PTCD2: variants seen among roughly 807,000 people sequenced by gnomAD.
The protein encoded by PTCD2 is pentatricopeptide repeat-containing protein 2, mitochondrial.
In PTCD2, 31 loss-of-function variants were observed where a neutral mutation model predicts 42.6. The observed-to-expected ratio is 0.73, with a 90% CI of 0.55 to 0.98. The LOEUF is 0.98. PTCD2 is among the 50% of genes least tolerant of loss of function. PTCD2 has a pLI of 0.00. For missense variants in PTCD2, 476 were observed against 454.8 expected (o/e 1.05, Z -0.42); for synonymous variants, 183 against 170.9 (o/e 1.07, Z -0.55).
At position 72,327,419 on chromosome 5, in the gene PTCD2, A is replaced by G. The variant is rs184202830; in HGVS notation, c.350+678A>G. 3.7e-3 allele frequency among the ~76,000 whole-genome samples: 556 copies of G among 152,214 alleles called. 6 individuals are homozygous for G. The highest frequency in any genetic ancestry group is 4.8e-3 in the Non-Finnish European group (325 of 68,016). On this transcript the variant is annotated intron_variant, in intron 3 of 9. Coordinates refer to ENST00000380639, the MANE Select transcript of PTCD2 (RefSeq NM_024754.5). ...GGGAGCAGTATGACATCAAATCAAC[A>G]GACTTCATTTCTGAAATTAAATTCA... is the stretch of plus-strand genomic sequence containing the variant.
intron 6 of PTCD2, among the ~76,000 whole-genome samples, 172 bp downstream of exon 6, chr5:72,336,057 C>T (rs753496195): frequency 6.6e-6 from 1 of 152,180 alleles, no homozygotes; most frequent in Non-Finnish European, 1.5e-5. Context: ...CCATATCAGG[C>T]AGTTTTATGG....
Position 72,361,491 on chromosome 5 carries a change from C to G in PTCD2, c.*3064C>G, listed in dbSNP as rs1014341002. 4.6e-5 allele frequency: 7 copies of G among 152,150 alleles called. No individual in the cohort carries two copies. Among genetic ancestry groups the G allele is most frequent in the Admixed American group, 4.6e-4 (7 of 15,266 alleles). 9.4% of individuals were successfully genotyped at this position (152,150 alleles called of 1,614,324 possible). On this transcript the variant is annotated 3_prime_UTR_variant, in exon 10 of 10. Coordinates refer to ENST00000380639, the MANE Select transcript of PTCD2 (RefSeq NM_024754.5). ...CTAGGAGTGACTGTCCCAAGAGGACCAGGCAGAAGCAGTTACATTTTATGA... is the reference window on the plus strand; with the variant it reads ...CTAGGAGTGACTGTCCCAAGAGGACGAGGCAGAAGCAGTTACATTTTATGA...
chr5:72,368,167 T>C lies in PTCD2; in HGVS notation c.*9740T>C, dbSNP rs1173170830. The C allele has an allele frequency of 6.6e-6, 1 of 152,230 alleles. No homozygotes were observed. Among genetic ancestry groups the C allele is most frequent in the East Asian group, 1.9e-4 (1 of 5,204 alleles). 9.4% of individuals were successfully genotyped at this position (152,230 alleles called of 1,614,324 possible). The stretch of plus-strand genomic sequence containing the variant: ...TTGATGATTTAATGCTATTGAAATG[T>C]TCTTATATGCAAAACACCTAGATAG... On this transcript the variant is annotated 3_prime_UTR_variant, in exon 10 of 10. Coordinates refer to ENST00000380639, the MANE Select transcript of PTCD2 (RefSeq NM_024754.5).
At position 72,335,887 on chromosome 5, in the gene PTCD2, T is replaced by C; in HGVS notation, c.639+2T>C. The C allele has an allele frequency of 6.3e-7, 1 of 1,577,856 alleles. No individual in the cohort carries two copies. Among genetic ancestry groups the C allele is most frequent in the Non-Finnish European group, 8.7e-7 (1 of 1,147,082 alleles). ...GCTTTTGCAATTTGCTACAAACTGGTAAGACTCTTTCCTCTTAACTTTGAG... is the reference window on the plus strand; with the variant it reads ...GCTTTTGCAATTTGCTACAAACTGGCAAGACTCTTTCCTCTTAACTTTGAG... On this transcript the variant is annotated splice_donor_variant, in intron 6 of 9. Transcript: ENST00000380639. LOFTEE classifies it high-confidence loss of function.
intron 6 of PTCD2, among the ~76,000 whole-genome samples, chr5:72,338,356 T>C (rs1016139974): frequency 2.6e-5 from 4 of 151,868 alleles, no homozygotes; most frequent in Admixed American, 2.6e-4. Context: ...TACAAAGACA[T>C]GTGTATGTTT....
intron 9 of PTCD2, among the ~76,000 whole-genome samples, chr5:72,353,301 C>G (rs1051966265): frequency 6.6e-6 from 1 of 152,126 alleles, no homozygotes; most frequent in African/African-American, 2.4e-5. Context: ...ACTCTTTTGG[C>G]TATCATCAGT....
chr5:72,367,114 A>T lies in PTCD2; in HGVS notation c.*8687A>T, dbSNP rs565418369. On this transcript the variant is annotated 3_prime_UTR_variant, in exon 10 of 10. Transcript: ENST00000380639. Reference sequence around the variant, plus strand: ...ACTGTCTCTTCCTGCCATCATCAGGAATGACTAAATCTTGGAGCGTTCTCC... The same window carrying T: ...ACTGTCTCTTCCTGCCATCATCAGGTATGACTAAATCTTGGAGCGTTCTCC... The T allele has an allele frequency of 6.6e-6, 1 of 152,334 alleles. No individual in the cohort carries two copies. The highest frequency in any genetic ancestry group is 2.1e-4 in the South Asian group (1 of 4,828). The allele number at this position is 152,334 out of a possible 1,614,324, so 9.4% of individuals were successfully genotyped here.
At position 72,331,340 on chromosome 5, in the gene PTCD2, C is replaced by G. The variant is rs139051450; in HGVS notation, c.433C>G (p.Leu145Val). 2.4e-4 allele frequency: 380 copies of G among 1,613,670 alleles called. 3 individuals are homozygous for G. The highest frequency in any genetic ancestry group is 2.1e-3 in the Middle Eastern group (13 of 6,062). ...TGTGAGGTTGTGTTACGAGTTGGATCTCGAGGAATCTGCAGTGGAGCTCAT... is the reference window on the plus strand; with the variant it reads ...TGTGAGGTTGTGTTACGAGTTGGATGTCGAGGAATCTGCAGTGGAGCTCAT... ...LFVRLCYELD[L>V]EESAVELMKD... Residue 145 changes from leucine (L) to valine (V), a missense_variant, in exon 4 of 10, where the codon CTC becomes GTC. Coordinates refer to ENST00000380639, the MANE Select transcript of PTCD2 (RefSeq NM_024754.5).
intron 1 of PTCD2, 163 bp downstream of exon 1, chr5:72,320,672 G>C (rs921138747): frequency 1.1e-6 from 1 of 905,386 alleles, no homozygotes; most frequent in African/African-American, 1.7e-5. Flanking sequence ...GGTGACCACT[G>C]GGGGTCGTGG....
rs1487820295 is a variant in PTCD2 at position 72,360,417 on chromosome 5, C to T, written c.*1990C>T. On this transcript the variant is annotated 3_prime_UTR_variant, in exon 10 of 10. Transcript: ENST00000380639. The stretch of plus-strand genomic sequence containing the variant: ...AAATTTTGTGAGCAGTAAATAGCAA[C>T]AAGCTTCCCAATCCCTGCTGCCCAG... The T allele has an allele frequency of 6.6e-6, 1 of 152,168 alleles. No individual in the cohort carries two copies. Among genetic ancestry groups the T allele is most frequent in the Non-Finnish European group, 1.5e-5 (1 of 68,044 alleles). The allele number at this position is 152,168 out of a possible 1,614,324, so 9.4% of individuals were successfully genotyped here.
intron 7 of PTCD2, among the ~76,000 whole-genome samples, chr5:72,342,135 G>A (rs112790999): frequency 3.1e-4 from 47 of 152,216 alleles, no homozygotes; most frequent in African/African-American, 1.1e-3. Flanking sequence ...GTCATTTGTA[G>A]ATTCATGTCA....
In PTCD2 at chr5:72,362,542, A is replaced by G. The variant is rs1753117716; in HGVS notation, c.*4115A>G. The G allele has an allele frequency of 6.6e-6, 1 of 152,274 alleles. No homozygotes were observed. Among genetic ancestry groups the G allele is most frequent in the South Asian group, 2.1e-4 (1 of 4,834 alleles). The allele number at this position is 152,274 out of a possible 1,614,324, so 9.4% of individuals were successfully genotyped here. ...CCTTCCACATTTAGACCTGACTCCA[A>G]GTTTTGCTCAGCCCACTGTGTATCC... is the stretch of plus-strand genomic sequence containing the variant. On this transcript the variant is annotated 3_prime_UTR_variant, in exon 10 of 10. Coordinates refer to ENST00000380639, the MANE Select transcript of PTCD2 (RefSeq NM_024754.5).
Position 72,365,841 on chromosome 5 carries a change from C to T in PTCD2, c.*7414C>T, listed in dbSNP as rs1753191604. 1 of 152,066 alleles carries T rather than the reference C, an allele frequency of 6.6e-6. No homozygotes were observed. The highest frequency in any genetic ancestry group is 2.1e-4 in the South Asian group (1 of 4,826). The allele number at this position is 152,066 out of a possible 1,614,324, so 9.4% of individuals were successfully genotyped here. A position where few individuals can be genotyped will look rare whatever the true frequency, so the allele number is the denominator to read the frequency against. On this transcript the variant is annotated 3_prime_UTR_variant, in exon 10 of 10. Transcript: ENST00000380639. ...TTAACACATTGGTCCTTAGGTGATA[C>T]AGAATTCAACAAAAACGGGGCTTAT...
At chr5:72,352,830 C>T (rs1752687096) in intron 9 of PTCD2, 76 bp downstream of exon 9, 1 of 756,930 alleles carries the variant, frequency 1.3e-6, no homozygotes, top group African/African-American at 1.8e-5. Flanking sequence ...TTTCTCAATT[C>T]TAAAGCTTAC....
intron 2 of PTCD2, among the ~76,000 whole-genome samples, chr5:72,324,970 T>C (rs1402661372): frequency 6.6e-6 from 1 of 152,084 alleles, no homozygotes; most frequent in Non-Finnish European, 1.5e-5. Context: ...TCACCTAGGC[T>C]GGAGTACAGT....
intron 7 of PTCD2, among the ~76,000 whole-genome samples, 176 bp from the exon 8 acceptor site, chr5:72,342,786 C>A (rs1487350350): frequency 6.6e-6 from 1 of 152,136 alleles, no homozygotes; most frequent in Non-Finnish European, 1.5e-5. Flanking sequence ...CAACAATATG[C>A]GACTGGATGG....
At chr5:72,325,932 A>C (rs975005720) in intron 2 of PTCD2, among the ~76,000 whole-genome samples, 1 of 152,206 alleles carries the variant, frequency 6.6e-6, no homozygotes, top group Non-Finnish European at 1.5e-5. Context: ...ATACAAAGAC[A>C]AGGGAGAATG....
At chr5:72,335,426 G>A (rs980768155) in intron 5 of PTCD2, 6 of 222,630 alleles carry the variant, frequency 2.7e-5, no homozygotes, top group African/African-American at 7.1e-5. Flanking sequence ...TCCGCAGTCC[G>A]GCCTGGGCGA....
chr5:72,337,095 C>T (rs1300006202), intron 6 of PTCD2, among the ~76,000 whole-genome samples: 1 of 152,148 alleles, frequency 6.6e-6, no homozygotes, highest in African/African-American at 2.4e-5. Flanking sequence ...ACTTATATAG[C>T]TGTGAACTGA....
Sources: allele counts gnomAD v4.1 joint callset (sites outside exome capture counted in the v4.1 genomes callset), GRCh38; gene constraint gnomAD v4.1.1; transcripts MANE v1.5; gene names NCBI Gene and HGNC (gene_info 2026-07-23, HGNC 2026-07-21).